CAPN5: variants seen among roughly 807,000 people sequenced by gnomAD.
CAPN5 encodes calpain-5.
CAPN5 carries 54 observed loss-of-function variants against 73.0 expected under a neutral mutation model. The ratio of observed to expected loss-of-function variants is 0.74; its 90% CI spans 0.59 to 0.93. The LOEUF is 0.93. Among genes scored for constraint, CAPN5 ranks in the 40% least tolerant of loss-of-function variants. The pLI, the probability that CAPN5 is intolerant of heterozygous loss-of-function variation, is 0.00. For synonymous variants in CAPN5, 335 were observed against 356.9 expected, an observed-to-expected ratio of 0.94 and a Z score of 0.69; for missense variants, 785 against 882.9, an observed-to-expected ratio of 0.89 and a Z score of 1.41.
chr11:77,124,110 A>C lies in CAPN5; in HGVS notation c.*240A>C. On this transcript the variant is annotated 3_prime_UTR_variant, in exon 13 of 13. Transcript: ENST00000648180. ...ATTTCAAATAGTCCTCCCCACCTCA[A>C]CTGTCACCACTGCTAAGGGACTCTA... The C allele has an allele frequency of 3.7e-6, 2 of 544,854 alleles. No individual in the cohort carries two copies. Among genetic ancestry groups the C allele is most frequent in the Non-Finnish European group, 6.5e-6 (2 of 305,814 alleles). 33.8% of individuals were successfully genotyped at this position (544,854 alleles called of 1,614,324 possible). A position where few individuals can be genotyped will look rare whatever the true frequency, so the allele number is the denominator to read the frequency against.
chr11:77,107,937 G>A (rs1341531629), intron 3 of CAPN5, among the ~76,000 whole-genome samples: 1 of 152,198 alleles, frequency 6.6e-6, no homozygotes, highest in Non-Finnish European at 1.5e-5. Context: ...CCTCATGTGT[G>A]CACAGCTCTC....
At chr11:77,067,480 C>G (rs956686714) in intron 1 of CAPN5, among the ~76,000 whole-genome samples, 2 of 152,092 alleles carry the variant, frequency 1.3e-5, no homozygotes, top group African/African-American at 4.8e-5. Context: ...CCCCTTTCAT[C>G]CCTGCAATCC....
intron 1 of CAPN5, among the ~76,000 whole-genome samples, chr11:77,075,600 G>C (rs2135410166): frequency 6.6e-6 from 1 of 152,334 alleles, no homozygotes; most frequent in East Asian, 1.9e-4. Context: ...GGCTACAGCT[G>C]TGAAGGGCCC....
rs782703482 is a variant in CAPN5 at position 77,093,592 on chromosome 11, CTGTCACGTCTG to C, written c.166-85_166-75del. On this transcript the variant is annotated intron_variant, in intron 2 of 12. Transcript: ENST00000648180. ...TGATGATCACACAGCAAGTCTGTGT[CTGTCACGTCTG>C]TGTCTGTCATGTCTCCTGCCATGGG... 2.2e-3 allele frequency: 1,712 copies of C among 762,280 alleles called. 6 individuals are homozygous for C. Among genetic ancestry groups the C allele is most frequent in the South Asian group, 9.2e-3 (400 of 43,420 alleles). 47.2% of individuals were successfully genotyped at this position (762,280 alleles called of 1,614,324 possible).
At chr11:77,071,063 T>A (rs529751976) in intron 1 of CAPN5, among the ~76,000 whole-genome samples, 31 of 152,324 alleles carry the variant, frequency 2.0e-4, no homozygotes, top group African/African-American at 7.2e-4. Flanking sequence ...GGGAGTATCT[T>A]TGGGGCCGTC....
At position 77,118,293 on chromosome 11, in the gene CAPN5, C is replaced by G; in HGVS notation, c.1108C>G (p.Arg370Gly). ...HGAWTLHEDP[R>G]QNRGGGCINH... ...CGCCTGGACGCTGCATGAGGACCCG[C>G]GACAGAACCGCGGTGGCGGCTGCAT... The change falls in exon 8 of 13, where the codon CGA becomes GGA. Residue 370 changes from arginine to glycine, a missense_variant. Arg to Gly is a moderately radical substitution (Grantham distance 125). Transcript: ENST00000648180. 6.2e-7 allele frequency: 1 copy of G among 1,613,318 alleles called. No homozygotes were observed. Among genetic ancestry groups the G allele is most frequent in the Non-Finnish European group, 8.5e-7 (1 of 1,179,714 alleles).
intron 2 of CAPN5, among the ~76,000 whole-genome samples, 156 bp downstream of exon 2, chr11:77,085,207 G>A (rs1212800471): frequency 5.9e-5 from 9 of 152,146 alleles, no homozygotes; most frequent in Non-Finnish European, 1.2e-4. Flanking sequence ...GATCCGGATG[G>A]GGAGCTTGGA....
At position 77,118,249 on chromosome 11, in the gene CAPN5, A is replaced by T; in HGVS notation, c.1064A>T (p.Glu355Val). ...CACCTGAGCATCCACAAGACGTGGGAGGAGGCCCGGCTGCATGGCGCCTGG... is the reference window on the plus strand; with the variant it reads ...CACCTGAGCATCCACAAGACGTGGGTGGAGGCCCGGCTGCATGGCGCCTGG... ...TSHLSIHKTW[E>V]EARLHGAWTL... is the part of the protein sequence containing the mutation. Residue 355 changes from glutamate to valine, a missense_variant, in exon 8 of 13, where the codon GAG (glutamate) becomes GTG (valine). Coordinates refer to ENST00000648180, the MANE Select transcript of CAPN5 (RefSeq NM_004055.5). 6.2e-7 allele frequency: 1 copy of T among 1,614,148 alleles called. No individual in the cohort carries two copies.
At chr11:77,071,023 G>T (rs1374216606) in intron 1 of CAPN5, among the ~76,000 whole-genome samples, 1 of 152,194 alleles carries the variant, frequency 6.6e-6, no homozygotes, top group Non-Finnish European at 1.5e-5. Context: ...GCCATACAAG[G>T]TGTCATTCAC....
intron 2 of CAPN5, among the ~76,000 whole-genome samples, chr11:77,092,048 C>A (rs2135433195): frequency 6.6e-6 from 1 of 152,182 alleles, no homozygotes; most frequent in East Asian, 1.9e-4. Flanking sequence ...AGTGAGACCT[C>A]ATCTCTACAA....
In CAPN5 at chr11:77,116,219, AC is replaced by A. The variant is rs1565277297; in HGVS notation, c.894-3del. On this transcript the variant is annotated splice_region_variant and splice_polypyrimidine_tract_variant and intron_variant, in intron 6 of 12. Transcript: ENST00000648180. Reference sequence around the variant, plus strand: ...TCCCTTTCTCCTCCCCGGCCCTGACACCCCAGCTCGGAGGAGTGGCAGAAAG... The same window carrying A: ...TCCCTTTCTCCTCCCCGGCCCTGACACCCAGCTCGGAGGAGTGGCAGAAAG... 1 of 1,609,948 alleles carries A rather than the reference AC, an allele frequency of 6.2e-7. No individual in the cohort carries two copies. Among genetic ancestry groups the A allele is most frequent in the South Asian group, 1.1e-5 (1 of 89,826 alleles).
chr11:77,113,426 G>A (rs1008540339), intron 4 of CAPN5, among the ~76,000 whole-genome samples: 3 of 152,196 alleles, frequency 2.0e-5, no homozygotes, highest in Non-Finnish European at 4.4e-5. Flanking sequence ...GCAGGGATAC[G>A]CCTAGGCCAG....
chr11:77,109,795 A>C (rs1555040477), intron 3 of CAPN5, among the ~76,000 whole-genome samples: 1 of 152,078 alleles, frequency 6.6e-6, no homozygotes, highest in Non-Finnish European at 1.5e-5. Flanking sequence ...GGGATCCCAG[A>C]CTCTGGGTCT....
chr11:77,103,443 T>TGGGCAAGCAGAGGACA, intron 3 of CAPN5: 1 of 1,365,404 alleles, frequency 7.3e-7, no homozygotes, highest in Non-Finnish European at 9.9e-7. Context: ...GCCTGTCCTC[T>TGGGCAAGCAGAGGACA]GCTTGCCCAG....
intron 3 of CAPN5, chr11:77,103,416 A>C: frequency 6.7e-7 from 1 of 1,485,458 alleles, no homozygotes. Flanking sequence ...TTTTGGGGCC[A>C]TTATTCTCGC....
intron 1 of CAPN5, 113 bp from the exon 2 acceptor site, chr11:77,084,739 C>T (rs1051528128): frequency 4.3e-5 from 39 of 902,056 alleles, no homozygotes; most frequent in East Asian, 1.3e-4. Context: ...GTAGGCTCCA[C>T]GCCTCGCTGA....
rs782796145 is a variant in CAPN5 at position 77,102,941 on chromosome 11, G to C, written c.297+9128G>C. ...GGCTACGCGTGGAGAGCCTGAAGCA[G>C]CGCGGGGAGAAGCGCCAGGATGGGG... On this transcript the variant is annotated intron_variant, in intron 3 of 12. Transcript: ENST00000648180. 5.6e-6 allele frequency: 9 copies of C among 1,613,088 alleles called. No homozygotes were observed. In the South Asian group the frequency reaches 9.9e-5, roughly 18 times the overall value.
chr11:77,118,897 G>A (rs905493475), intron 8 of CAPN5, 133 bp from the exon 9 acceptor site: 4 of 996,366 alleles, frequency 4.0e-6, no homozygotes, highest in Non-Finnish European at 5.9e-6. Flanking sequence ...CCACCTCACA[G>A]CAGAGGGACC....
At chr11:77,114,801 A>T (rs1555041405) in intron 5 of CAPN5, among the ~76,000 whole-genome samples, 1 of 152,236 alleles carries the variant, frequency 6.6e-6, no homozygotes, top group African/African-American at 2.4e-5. Context: ...AACTGCCTCC[A>T]GCAAAGTAAA....
Sources: allele counts gnomAD v4.1 joint callset (sites outside exome capture counted in the v4.1 genomes callset), GRCh38; gene constraint gnomAD v4.1.1; transcripts MANE v1.5; gene names NCBI Gene and HGNC (gene_info 2026-07-23, HGNC 2026-07-21).